PPP1R21: variants seen among roughly 807,000 people sequenced by gnomAD.
The protein encoded by PPP1R21 is KLRAQ motif containing 1.
PPP1R21 carries 85 observed loss-of-function variants against 112.8 expected under a neutral mutation model. The ratio of observed to expected loss-of-function variants is 0.75; its 90% CI spans 0.63 to 0.90. PPP1R21 has a LOEUF of 0.90. Ranked by LOEUF, PPP1R21 falls within the 40% of genes least tolerant of loss-of-function variation. PPP1R21 has a pLI of 0.00. For missense variants in PPP1R21, 1,199 were observed against 901.5 expected, an observed-to-expected ratio of 1.33 and a Z score of -4.23; for synonymous variants, 381 against 322.3, an observed-to-expected ratio of 1.18 and a Z score of -1.95.
intron 1 of PPP1R21, among the ~76,000 whole-genome samples, chr2:48,449,397 T>C (rs572649097): frequency 6.6e-6 from 1 of 152,306 alleles, no homozygotes; most frequent in Non-Finnish European, 1.5e-5. Flanking sequence ...ATAGACCATA[T>C]AGCTGGTTAA....
intron 11 of PPP1R21, among the ~76,000 whole-genome samples, chr2:48,471,625 A>G (rs1249779796): frequency 9.9e-5 from 15 of 152,208 alleles, no homozygotes; most frequent in Admixed American, 9.2e-4. Context: ...CTTTGCAGTT[A>G]ACACCTAGAT....
At chr2:48,486,237 C>A (rs1239804500) in intron 13 of PPP1R21, among the ~76,000 whole-genome samples, 2 of 152,026 alleles carry the variant, frequency 1.3e-5, no homozygotes, top group African/African-American at 4.8e-5. Context: ...TATTCCTTTC[C>A]AGCCTGGTGG....
At chr2:48,514,060 G>C (rs994905882) in intron 21 of PPP1R21, among the ~76,000 whole-genome samples, 55 of 149,014 alleles carry the variant, frequency 3.7e-4, no homozygotes, top group Non-Finnish European at 7.0e-4. Flanking sequence ...TTTAAACAAT[G>C]ACGAGACATG....
rs1189546521 is a variant in PPP1R21 at position 48,486,715 on chromosome 2, G to C, written c.1403G>C (p.Cys468Ser). The C allele has an allele frequency of 6.2e-7, 1 of 1,613,938 alleles. No homozygotes were observed. The highest frequency in any genetic ancestry group is 1.7e-5 in the Admixed American group (1 of 60,018). Residue 468 changes from cysteine (C) to serine (S), a missense_variant, in exon 14 of 22, where the codon TGT becomes TCT. Cys to Ser is a moderately radical substitution (Grantham distance 112). Coordinates refer to ENST00000294952, the MANE Select transcript of PPP1R21 (RefSeq NM_001135629.3). ...ATQKLITTND[C>S]ILSSVVALTN... ...CAGAAGCTGATAACAACTAATGACTGTATCCTGTCATCAGTAGTGGCATTA... is the reference window on the plus strand; with the variant it reads ...CAGAAGCTGATAACAACTAATGACTCTATCCTGTCATCAGTAGTGGCATTA...
chr2:48,499,307 A>G (rs924398214), intron 17 of PPP1R21, among the ~76,000 whole-genome samples: 10 of 152,236 alleles, frequency 6.6e-5, no homozygotes, highest in Admixed American at 3.3e-4. Context: ...GGTGAGGACT[A>G]TGTTCCTGGA....
rs187070973 is a variant in PPP1R21 at position 48,495,721 on chromosome 2, C to T, written c.1642C>T (p.Arg548Cys). 28 of 1,612,362 alleles carry T rather than the reference C, an allele frequency of 1.7e-5. No homozygotes were observed. The Middle Eastern group carries it at 4.9e-4, about 28-fold the overall frequency. Residue 548 changes from arginine to cysteine, a missense_variant, in exon 16 of 22, where the codon CGC becomes TGC. Physicochemically the swap from Arg to Cys is radical, Grantham distance 180 (BLOSUM62 -3). Transcript: ENST00000294952. ...GCCTTATGAAGAAGCACTGGCAAAC[C>T]GCCGCATCCTTCTCAGCTCTACTGA... ...SVPYEEALAN[R>C]RILLSSTESR...
intron 7 of PPP1R21, among the ~76,000 whole-genome samples, chr2:48,462,962 C>G (rs952436376): frequency 6.6e-6 from 1 of 152,014 alleles, no homozygotes; most frequent in Non-Finnish European, 1.5e-5. Flanking sequence ...GAGAAAGAGG[C>G]AGTCATGGGG....
chr2:48,441,099 C>T (rs1667006413), intron 1 of PPP1R21, 89 bp downstream of exon 1: 1 of 907,140 alleles, frequency 1.1e-6, no homozygotes, highest in African/African-American at 1.7e-5. Flanking sequence ...AGGGGTACTG[C>T]GGGAGGGGCA....
chr2:48,474,768 A>C lies in PPP1R21; in HGVS notation c.1174A>C (p.Thr392Pro). The C allele has an allele frequency of 1.2e-6, 2 of 1,613,832 alleles. No homozygotes were observed. Among genetic ancestry groups the C allele is most frequent in the Non-Finnish European group, 8.5e-7 (1 of 1,179,834 alleles). ...GCTGTCCCAGGACATGAAAAAAATG[A>C]CAGCTGTGTTTGAGAAGCTGCAGAC... ...LELSQDMKKM[T>P]AVFEKLQTYI... The change falls in exon 12 of 22, where the codon ACA (threonine) becomes CCA (proline). Residue 392 changes from threonine to proline, a missense_variant. Thr to Pro is a conservative substitution (Grantham distance 38). Transcript: ENST00000294952.
intron 15 of PPP1R21, among the ~76,000 whole-genome samples, chr2:48,494,231 C>T (rs1356218301): frequency 1.2e-5 from 1 of 82,712 alleles, no homozygotes; most frequent in South Asian, 4.8e-4. Flanking sequence ...CAAAGTGAGA[C>T]CTTGTCTCAA....
chr2:48,455,288 G>A (rs950417393), intron 3 of PPP1R21, among the ~76,000 whole-genome samples: 6 of 151,640 alleles, frequency 4.0e-5, no homozygotes, highest in Non-Finnish European at 8.8e-5. Flanking sequence ...CTGTGATTGC[G>A]GGCATGTGGC....
chr2:48,454,776 G>A, intron 3 of PPP1R21, 35 bp downstream of exon 3: 1 of 1,553,426 alleles, frequency 6.4e-7, no homozygotes, highest in Non-Finnish European at 8.9e-7. Flanking sequence ...GTGTGACCTT[G>A]TCGTTAGTTA....
intron 19 of PPP1R21, 91 bp from the exon 20 acceptor site, chr2:48,509,924 C>A: frequency 1.3e-6 from 1 of 780,300 alleles, no homozygotes; most frequent in Non-Finnish European, 2.1e-6. Flanking sequence ...GTAGCTTTGG[C>A]TTTGAGAAGT....
intron 16 of PPP1R21, among the ~76,000 whole-genome samples, chr2:48,497,119 C>T (rs1208774492): frequency 2.6e-5 from 4 of 152,154 alleles, no homozygotes; most frequent in East Asian, 1.9e-4. Flanking sequence ...TTGTGACTGC[C>T]GTCTGCAGGG....
rs991689527 is a variant in PPP1R21 at position 48,486,701 on chromosome 2, A to G, written c.1389A>G (p.Ile463Met). The change falls in exon 14 of 22, where the codon ATA becomes ATG. Residue 463 changes from isoleucine (I) to methionine (M), a missense_variant. Transcript: ENST00000294952. ...TTCCAACAGCAACACAGAAGCTGAT[A>G]ACAACTAATGACTGTATCCTGTCAT... ...HELPTATQKL[I>M]TTNDCILSSV... 3.1e-6 allele frequency: 5 copies of G among 1,613,828 alleles called. No homozygotes were observed. The African/African-American group carries it at 5.3e-5, about 17-fold the overall frequency.
At chr2:48,496,232 T>A (rs1168083890) in intron 16 of PPP1R21, among the ~76,000 whole-genome samples, 1 of 152,090 alleles carries the variant, frequency 6.6e-6, no homozygotes, top group African/African-American at 2.4e-5. Context: ...AAAATATGTA[T>A]ATATTTGTCC....
intron 1 of PPP1R21, among the ~76,000 whole-genome samples, chr2:48,447,711 G>A (rs1370747768): frequency 6.6e-6 from 1 of 152,192 alleles, no homozygotes; most frequent in Non-Finnish European, 1.5e-5. Flanking sequence ...CACTTTGGGA[G>A]GCTGAGGTGG....
At position 48,498,524 on chromosome 2, in the gene PPP1R21, T is replaced by C; in HGVS notation, c.1724T>C (p.Leu575Pro). ...VQQSLEKISK[L>P]EQEKEHWMLE... The stretch of plus-strand genomic sequence containing the variant: ...CAGAGTTTGGAAAAGATTTCTAAAC[T>C]GGAGCAGGAAAAAGAACATTGGATG... Residue 575 changes from leucine (L) to proline (P), a missense_variant, in exon 17 of 22, where the codon CTG (leucine) becomes CCG (proline). Physicochemically the swap from Leu to Pro is moderately conservative, Grantham distance 98 (BLOSUM62 -3). Transcript: ENST00000294952. 6.2e-7 allele frequency: 1 copy of C among 1,614,164 alleles called. No homozygotes were observed. The highest frequency in any genetic ancestry group is 8.5e-7 in the Non-Finnish European group (1 of 1,180,008).
chr2:48,462,533 A>C (rs1445048951), intron 7 of PPP1R21, among the ~76,000 whole-genome samples: 2 of 152,198 alleles, frequency 1.3e-5, no homozygotes, highest in African/African-American at 4.8e-5. Flanking sequence ...GTAAAATCTA[A>C]GGAATTACGT....
Sources: gnomAD v4.1 joint callset for allele counts (sites outside exome capture counted in the v4.1 genomes callset) on GRCh38, gnomAD v4.1.1 for gene constraint, MANE v1.5 for transcripts, NCBI Gene and HGNC (gene_info 2026-07-23, HGNC 2026-07-21) for gene names.